The following OXNAD1 variants were observed in gnomAD, a reference collection of about 807,000 sequenced individuals.
OXNAD1 encodes the protein oxidoreductase NAD binding domain containing 1.
A neutral mutation model predicts 32.9 loss-of-function variants in OXNAD1; 34 were observed. The observed-to-expected ratio is 1.03, with a 90% confidence interval of 0.79 to 1.38. The LOEUF (loss-of-function observed/expected upper bound fraction) is 1.38. Among genes scored for constraint, OXNAD1 ranks in the 40% most tolerant of loss-of-function variants. OXNAD1 has a pLI of 0.00. For synonymous variants in OXNAD1, 134 were observed against 135.2 expected, an observed-to-expected ratio of 0.99 and a Z score of 0.06; for missense variants, 407 against 379.4, an observed-to-expected ratio of 1.07 and a Z score of -0.60.
chr3:16,323,515 GAC>G (rs2069324002), intron 9 of OXNAD1: 1 of 1,241,448 alleles, frequency 8.1e-7, no homozygotes, highest in South Asian at 1.2e-5. Context: ...CCCAAAACCT[GAC>G]ACAGATGTTG....
In OXNAD1 at chr3:16,320,716, T is replaced by G. The variant is rs757637737; in HGVS notation, c.*31-16396T>G. On this transcript the variant is annotated intron_variant, in intron 9 of 9. Transcript: ENST00000435829. The surrounding 1 kb of genome is among the most constrained non-coding windows in gnomAD (Gnocchi z 4.5). ...GAGCTAGAAAGGAGGAGAATGTCCT[T>G]GGCAGAGGGGACACGGAAGAACTGG... Among the ~76,000 whole-genome samples, 3 of 152,150 alleles carry G rather than the reference T, an allele frequency of 2.0e-5. No individual in the cohort carries two copies. Among genetic ancestry groups the G allele is most frequent in the African/African-American group, 7.2e-5 (3 of 41,424 alleles).
rs114899588 is a variant in OXNAD1 at position 16,274,800 on chromosome 3, G to A, written c.183+3078G>A. Among the ~76,000 whole-genome samples the A allele has an allele frequency of 6.3e-3, 952 of 152,210 alleles. 13 individuals are homozygous for A. Among genetic ancestry groups the A allele is most frequent in the African/African-American group, 0.021 (887 of 41,520 alleles). ...GCCCTTGTTCTTTCATGTTATGACC[G>A]AATCGTACCATTTATTCACCGAATT... On this transcript the variant is annotated intron_variant, in intron 4 of 8. Coordinates refer to ENST00000285083, the MANE Select transcript of OXNAD1 (RefSeq NM_138381.5).
At chr3:16,266,018 T>C (rs898966711) in intron 1 of OXNAD1, among the ~76,000 whole-genome samples, 1 of 152,242 alleles carries the variant, frequency 6.6e-6, no homozygotes, top group African/African-American at 2.4e-5. Context: ...ACATTGGGTC[T>C]TACTTAATTA....
Position 16,321,915 on chromosome 3 carries a change from C to T in OXNAD1, c.*31-15197C>T, listed in dbSNP as rs1241093369. Among the ~76,000 whole-genome samples, 1 of 152,206 alleles carries T rather than the reference C, an allele frequency of 6.6e-6. No individual in the cohort carries two copies. The highest frequency in any genetic ancestry group is 2.4e-5 in the African/African-American group (1 of 41,446). ...GTCCCCCTGCATGCGATGCCATGAC[C>T]TTCACACCAACATCCAACCACATGT... On this transcript the variant is annotated intron_variant, in intron 9 of 9. Coordinates refer to the OXNAD1 transcript ENST00000435829. The surrounding 1 kb of genome is among the most constrained non-coding windows in gnomAD (Gnocchi z 4.8).
chr3:16,317,011 T>C lies in OXNAD1; in HGVS notation c.*30+13419T>C. The C allele has an allele frequency of 6.2e-7, 1 of 1,613,580 alleles. No homozygotes were observed. Among genetic ancestry groups the C allele is most frequent in the South Asian group, 1.1e-5 (1 of 91,038 alleles). On this transcript the variant is annotated intron_variant, in intron 9 of 9. Coordinates refer to the OXNAD1 transcript ENST00000435829. The surrounding 1 kb of genome is among the most constrained non-coding windows in gnomAD (Gnocchi z 4.3). The stretch of plus-strand genomic sequence containing the variant: ...ACAGCAGGCCACCAGGGGACAGCTG[T>C]TCTCCCTTGTCCTCTTGGACAGGGC...
intron 9 of OXNAD1, among the ~76,000 whole-genome samples, chr3:16,333,552 C>G (rs2070534734): frequency 6.6e-6 from 1 of 152,160 alleles, no homozygotes; most frequent in African/African-American, 2.4e-5. Context: ...TCCAATCCCC[C>G]TCATTTAATA....
In OXNAD1 at chr3:16,298,262, A is replaced by G. The variant is rs1489633363; in HGVS notation, c.432+3265A>G. Among the ~76,000 whole-genome samples, 1 of 152,088 alleles carries G rather than the reference A, an allele frequency of 6.6e-6. No homozygotes were observed. Among genetic ancestry groups the G allele is most frequent in the African/African-American group, 2.4e-5 (1 of 41,408 alleles). On this transcript the variant is annotated intron_variant, in intron 6 of 8. Transcript: ENST00000285083. This position sits in a 1 kb window ranked among gnomAD's most constrained non-coding sequence, Gnocchi z 5.1. ...GCTGCTGGGGTGAGAGCAACGAGGT[A>G]TCTGCATGCCCCTTGCTCAGAGTTG...
At chr3:16,310,130 C>T (rs2067864647), downstream of OXNAD1, among the ~76,000 whole-genome samples, 1 of 152,228 alleles carries the variant, frequency 6.6e-6, no homozygotes, top group African/African-American at 2.4e-5. Context: ...ATAAAACTGA[C>T]ATTTGCCCAT....
rs183354653 is a variant in OXNAD1 at position 16,320,685 on chromosome 3, C to G, written c.*31-16427C>G. Among the ~76,000 whole-genome samples, 2 of 152,084 alleles carry G rather than the reference C, an allele frequency of 1.3e-5. No homozygotes were observed. The highest frequency in any genetic ancestry group is 2.9e-5 in the Non-Finnish European group (2 of 68,032). On this transcript the variant is annotated intron_variant, in intron 9 of 9. Transcript: ENST00000435829. This position sits in a 1 kb window ranked among gnomAD's most constrained non-coding sequence, Gnocchi z 4.5. ...AGCACTGTTCTGAGAAAAGGATGCT[C>G]GAGTAGAGCTAGAAAGGAGGAGAAT...
chr3:16,266,832 A>C (rs1424943006), intron 1 of OXNAD1, among the ~76,000 whole-genome samples: 1 of 152,182 alleles, frequency 6.6e-6, no homozygotes, highest in Admixed American at 6.5e-5. Flanking sequence ...TATTCCTCTC[A>C]GTAATCCAGT....
rs1023698638 is a variant in OXNAD1 at position 16,322,313 on chromosome 3, C to A, written c.*31-14799C>A. 2.0e-5 allele frequency among the ~76,000 whole-genome samples: 3 copies of A among 152,230 alleles called. No individual in the cohort carries two copies. Among genetic ancestry groups the A allele is most frequent in the Admixed American group, 1.3e-4 (2 of 15,280 alleles). On this transcript the variant is annotated intron_variant, in intron 9 of 9. Transcript: ENST00000435829. The surrounding 1 kb of genome is among the most constrained non-coding windows in gnomAD (Gnocchi z 6.2). ...TTCAAGTCACCATTGCTTTGGCACTCCTTCCACAAGTGGGCTCCCCCTGGA... is the reference window on the plus strand; with the variant it reads ...TTCAAGTCACCATTGCTTTGGCACTACTTCCACAAGTGGGCTCCCCCTGGA...
At position 16,288,839 on chromosome 3, in the gene OXNAD1, C is replaced by T. The variant is rs1045058969; in HGVS notation, c.290+2391C>T. ...TTGGCACTCACTCTTGGGTCTGGAG[C>T]ATGCCACCACTGGTCCTCACACAGT... On this transcript the variant is annotated intron_variant, in intron 5 of 8. Coordinates refer to ENST00000285083, the MANE Select transcript of OXNAD1 (RefSeq NM_138381.5). This position sits in a 1 kb window ranked among gnomAD's most constrained non-coding sequence, Gnocchi z 5.1. Among the ~76,000 whole-genome samples, 10 of 152,326 alleles carry T rather than the reference C, an allele frequency of 6.6e-5. No homozygotes were observed. Among genetic ancestry groups the T allele is most frequent in the African/African-American group, 2.4e-4 (10 of 41,570 alleles).
At position 16,298,928 on chromosome 3, in the gene OXNAD1, T is replaced by C. The variant is rs1575139774; in HGVS notation, c.433-2698T>C. Reference sequence around the variant, plus strand: ...GTTCGTGTTACCCTCGCAGTTTTTATTGATCAACAAAAAGACAAAGATGGC... The same window carrying C: ...GTTCGTGTTACCCTCGCAGTTTTTACTGATCAACAAAAAGACAAAGATGGC... On this transcript the variant is annotated intron_variant, in intron 6 of 8. Coordinates refer to ENST00000285083, the MANE Select transcript of OXNAD1 (RefSeq NM_138381.5). The surrounding 1 kb of genome is among the most constrained non-coding windows in gnomAD (Gnocchi z 5.1). 6.6e-6 allele frequency among the ~76,000 whole-genome samples: 1 copy of C among 152,228 alleles called. No homozygotes were observed. The highest frequency in any genetic ancestry group is 6.5e-5 in the Admixed American group (1 of 15,278).
chr3:16,269,254 T>C lies in OXNAD1; in HGVS notation c.-30T>C. 1 of 1,535,434 alleles carries C rather than the reference T, an allele frequency of 6.5e-7. No individual in the cohort carries two copies. On this transcript the variant is annotated 5_prime_UTR_variant, in exon 2 of 9. The change abolishes the stop of an existing upstream ORF in the 5' untranslated region. Transcript: ENST00000285083. ...AGCTGACCATATACTTAATGACTCC[T>C]AAAATCTCGTGGACTTCTAAGGTAA... is the stretch of plus-strand genomic sequence containing the variant.
At position 16,317,040 on chromosome 3, in the gene OXNAD1, T is replaced by TCATCTCCTCGGAGACTCCACCCTC; in HGVS notation, c.*30+13450_*30+13473dup. The TCATCTCCTCGGAGACTCCACCCTC allele has an allele frequency of 1.9e-6, 3 of 1,613,754 alleles. No homozygotes were observed. Among genetic ancestry groups the TCATCTCCTCGGAGACTCCACCCTC allele is most frequent in the Non-Finnish European group, 2.5e-6 (3 of 1,179,924 alleles). On this transcript the variant is annotated intron_variant, in intron 9 of 9. Transcript: ENST00000435829. The surrounding 1 kb of genome is among the most constrained non-coding windows in gnomAD (Gnocchi z 4.3). ...CCCTTGTCCTCTTGGACAGGGCCCT[T>TCATCTCCTCGGAGACTCCACCCTC]CATCTCCTCGGAGACTCCACCCTCC...
rs1559789724 is a variant in OXNAD1, at chr3:16,314,377, C to T, written c.*30+10785C>T. On this transcript the variant is annotated intron_variant, in intron 9 of 9. Transcript: ENST00000435829. This position sits in a 1 kb window ranked among gnomAD's most constrained non-coding sequence, Gnocchi z 4.4. The stretch of plus-strand genomic sequence containing the variant: ...TGTAGAAAGCATTTTATTTCACAAG[C>T]TGTGTTTCAACTGACAGAGACCCTG... 1 of 152,152 alleles carries T rather than the reference C, an allele frequency of 6.6e-6. No homozygotes were observed. Among genetic ancestry groups the T allele is most frequent in the Non-Finnish European group, 1.5e-5 (1 of 68,024 alleles). 9.4% of individuals were successfully genotyped at this position (152,152 alleles called of 1,614,324 possible). A position where few individuals can be genotyped will look rare whatever the true frequency, so the allele number is the denominator to read the frequency against.
rs1196756389 is a variant in OXNAD1, at chr3:16,301,807, A to G, written c.614A>G (p.Tyr205Cys). The G allele has an allele frequency of 1.2e-6, 2 of 1,614,108 alleles. No homozygotes were observed. Among genetic ancestry groups the G allele is most frequent in the Non-Finnish European group, 1.7e-6 (2 of 1,179,958 alleles). ...GAGCAGGCAAACAAAAGAAATGGATATGAGATAGGAACAATAAAACTATTC... is the reference window on the plus strand; with the variant it reads ...GAGCAGGCAAACAAAAGAAATGGATGTGAGATAGGAACAATAAAACTATTC... ...LREQANKRNG[Y>C]EIGTIKLFYS... The change falls in exon 7 of 9, where the codon TAT (tyrosine) becomes TGT (cysteine). Residue 205 changes from tyrosine to cysteine, a missense_variant. Tyr to Cys is a radical substitution (Grantham distance 194, BLOSUM62 -2). Transcript: ENST00000285083. This position sits in a 1 kb window ranked among gnomAD's most constrained non-coding sequence, Gnocchi z 4.1.
chr3:16,279,032 T>G (rs2065552979), intron 4 of OXNAD1, among the ~76,000 whole-genome samples: 1 of 152,236 alleles, frequency 6.6e-6, no homozygotes, highest in African/African-American at 2.4e-5. Context: ...GGGCATCTTT[T>G]CAACATGCAC....
intron 9 of OXNAD1, among the ~76,000 whole-genome samples, chr3:16,318,419 C>T (rs1420330781): frequency 6.6e-6 from 1 of 152,168 alleles, no homozygotes; most frequent in Non-Finnish European, 1.5e-5. Flanking sequence ...AATGCAGTTG[C>T]ACCATCAGTG....
Sources: gnomAD v4.1 joint callset for allele counts (sites outside exome capture counted in the v4.1 genomes callset) on GRCh38, gnomAD v4.1.1 for gene constraint, Gnocchi (gnomAD v3.1) non-coding constraint, MANE v1.5 for transcripts, NCBI Gene and HGNC (gene_info 2026-07-23, HGNC 2026-07-21) for gene names.